Variants in SHLD1 observed in about 807,000 individuals in gnomAD.
The protein encoded by SHLD1 is RINN1-REV7-interacting novel NHEJ regulator 3.
A neutral mutation model predicts 5.5 loss-of-function variants in SHLD1; 3 were observed. That is an observed-to-expected ratio of 0.54 (90% CI 0.25 to 1.40). SHLD1 has a LOEUF of 1.40. SHLD1 is among the 40% of genes most tolerant of loss of function. The pLI, the probability that SHLD1 is intolerant of heterozygous loss-of-function variation, is 0.15. For synonymous variants in SHLD1, 92 were observed against 94.3 expected, an observed-to-expected ratio of 0.98 and a Z score of 0.14; for missense variants, 210 against 244.4, an observed-to-expected ratio of 0.86 and a Z score of 0.94.
intron 1 of SHLD1, among the ~76,000 whole-genome samples, chr20:5,764,447 T>G (rs1984709715): frequency 6.9e-6 from 1 of 145,874 alleles, no homozygotes; most frequent in Non-Finnish European, 1.5e-5. Context: ...TTCAGCACTT[T>G]GGGGAGCCAG....
At chr20:5,825,253 T>C (rs1038906761) in intron 2 of SHLD1, among the ~76,000 whole-genome samples, 1 of 152,198 alleles carries the variant, frequency 6.6e-6, no homozygotes, top group Non-Finnish European at 1.5e-5. Context: ...GGACCCAGCA[T>C]GAGGCTATTC....
intron 1 of SHLD1, among the ~76,000 whole-genome samples, chr20:5,757,349 G>A (rs895850289): frequency 6.6e-6 from 1 of 151,884 alleles, no homozygotes; most frequent in Admixed American, 6.6e-5. Flanking sequence ...AGTGCCTGGT[G>A]TAAGCCACTA....
intron 2 of SHLD1, among the ~76,000 whole-genome samples, chr20:5,826,504 C>T (rs1166753387): frequency 6.6e-6 from 1 of 151,898 alleles, no homozygotes; most frequent in Non-Finnish European, 1.5e-5. Flanking sequence ...TATAGGATAG[C>T]AAGATCTTCT....
At chr20:5,817,395 TC>T (rs1188813992) in intron 2 of SHLD1, among the ~76,000 whole-genome samples, 1 of 23,588 alleles carries the variant, frequency 4.2e-5, no homozygotes, top group Non-Finnish European at 1.5e-4. Flanking sequence ...CGGGATATTT[TC>T]TCTCTCTCTC....
chr20:5,759,391 C>A (rs1984332030), intron 1 of SHLD1, among the ~76,000 whole-genome samples: 2 of 152,066 alleles, frequency 1.3e-5, no homozygotes, highest in Admixed American at 1.3e-4. Context: ...TCTCCAGTAG[C>A]TGGGATTATG....
intron 1 of SHLD1, among the ~76,000 whole-genome samples, chr20:5,764,156 A>ATATATATATATATTTT (rs1453233954): frequency 2.2e-5 from 1 of 45,840 alleles, no homozygotes; most frequent in Non-Finnish European, 4.3e-5. Context: ...ATATATTTAT[A>ATATATATATATATTTT]TTTATATATA....
At chr20:5,773,331 AT>A in intron 2 of SHLD1, 1 of 596,370 alleles carries the variant, frequency 1.7e-6, no homozygotes, top group East Asian at 2.8e-5. Flanking sequence ...GCAGGGGAAT[AT>A]TTGGTTCAAC....
intron 1 of SHLD1, among the ~76,000 whole-genome samples, chr20:5,770,682 C>T (rs1475195804): frequency 2.0e-5 from 3 of 152,198 alleles, no homozygotes; most frequent in African/African-American, 7.2e-5. Flanking sequence ...AGTGCTATTG[C>T]ATCAGCAATA....
At chr20:5,826,689 T>A (rs532853697) in intron 2 of SHLD1, among the ~76,000 whole-genome samples, 1 of 152,296 alleles carries the variant, frequency 6.6e-6, no homozygotes, top group South Asian at 2.1e-4. Flanking sequence ...TCTCCTGGGT[T>A]TGAATCTGAA....
chr20:5,836,995 G>T (rs139149085), intron 2 of SHLD1, among the ~76,000 whole-genome samples: 114 of 152,234 alleles, frequency 7.5e-4, no homozygotes, highest in Non-Finnish European at 1.3e-3. Context: ...GCAGAGGAAG[G>T]CATCCTAGAA....
chr20:5,755,858 G>A (rs766914182), intron 1 of SHLD1, among the ~76,000 whole-genome samples: 7 of 151,948 alleles, frequency 4.6e-5, no homozygotes, highest in African/African-American at 7.2e-5. Context: ...CACGTCTGGC[G>A]GGAAAAACAT....
At chr20:5,773,090 C>A in intron 2 of SHLD1, 47 bp downstream of exon 2, 1 of 1,579,796 alleles carries the variant, frequency 6.3e-7, no homozygotes, top group South Asian at 1.1e-5. Context: ...CAACTAGCAG[C>A]AATACGGGTG....
intron 2 of SHLD1, among the ~76,000 whole-genome samples, chr20:5,798,970 G>A (rs1327063119): frequency 6.6e-6 from 1 of 152,104 alleles, no homozygotes; most frequent in Non-Finnish European, 1.5e-5. Context: ...GATCACTTGA[G>A]CCCAGGAGTT....
Position 5,766,171 on chromosome 20 carries a change from T to C in SHLD1, c.-4-6691T>C, listed in dbSNP as rs538569069. On this transcript the variant is annotated intron_variant, in intron 1 of 2. Coordinates refer to ENST00000303142, the MANE Select transcript of SHLD1 (RefSeq NM_152504.4). ...TTCCAGAAGCCTCTAGAGCAGAGTG[T>C]TAGGTAACATGAAGGGAGAAGGGGG... Among the ~76,000 whole-genome samples the C allele has an allele frequency of 2.6e-5, 4 of 152,160 alleles. No individual in the cohort carries two copies. In the South Asian group the frequency reaches 8.3e-4, roughly 32 times the overall value.
At chr20:5,781,072 A>G (rs1285124805) in intron 2 of SHLD1, among the ~76,000 whole-genome samples, 2 of 151,922 alleles carry the variant, frequency 1.3e-5, no homozygotes, top group Admixed American at 6.6e-5. Context: ...TAGGCTATAT[A>G]TGTCTAATAA....
rs186309189 is a variant in SHLD1, at chr20:5,758,110, C to T, written c.-5+7631C>T. On this transcript the variant is annotated intron_variant, in intron 1 of 2. Transcript: ENST00000303142. Reference sequence around the variant, plus strand: ...TTCCTCCTCTTCCATGTGTTAGAAGCGTTATCCAGGAGAGGGAGATGCACC... The same window carrying T: ...TTCCTCCTCTTCCATGTGTTAGAAGTGTTATCCAGGAGAGGGAGATGCACC... Among the ~76,000 whole-genome samples, 3 of 151,506 alleles carry T rather than the reference C, an allele frequency of 2.0e-5. No individual in the cohort carries two copies. In the East Asian group the frequency reaches 5.8e-4, roughly 29 times the overall value.
At chr20:5,774,847 T>C (rs1288568208) in intron 2 of SHLD1, among the ~76,000 whole-genome samples, 1 of 152,180 alleles carries the variant, frequency 6.6e-6, no homozygotes, top group Non-Finnish European at 1.5e-5. Context: ...TGACCAAGAA[T>C]TAGATAATTC....
At chr20:5,853,834 CACGTCT>C (rs2088044270) in intron 2 of SHLD1, among the ~76,000 whole-genome samples, 1 of 151,516 alleles carries the variant, frequency 6.6e-6, no homozygotes, top group African/African-American at 2.4e-5. Context: ...GCAGAGTCTC[CACGTCT>C]ACTTTTTTTT....
chr20:5,823,081 G>A (rs985680919), intron 2 of SHLD1, among the ~76,000 whole-genome samples: 2 of 145,150 alleles, frequency 1.4e-5, no homozygotes, highest in African/African-American at 2.6e-5. Context: ...TCCAGTGGTC[G>A]GTTCCCAGTC....
Sources: gnomAD v4.1 joint callset for allele counts (sites outside exome capture counted in the v4.1 genomes callset) on GRCh38, gnomAD v4.1.1 for gene constraint, MANE v1.5 for transcripts, NCBI Gene and HGNC (gene_info 2026-07-23, HGNC 2026-07-21) for gene names.